The following KLHDC10 variants were observed in gnomAD, a reference collection of about 807,000 sequenced individuals.
KLHDC10 encodes the protein kelch domain containing 10.
KLHDC10 carries 24 observed loss-of-function variants against 56.1 expected under a neutral mutation model. The observed-to-expected ratio is 0.43, with a 90% CI of 0.31 to 0.60. The LOEUF is 0.60. Ranked by LOEUF, KLHDC10 falls within the 20% of genes least tolerant of loss-of-function variation. The probability of loss-of-function intolerance (pLI) is 0.11; values close to 1 mark genes in which losing one functional copy is unlikely to be tolerated. For synonymous variants in KLHDC10, 188 were observed against 207.1 expected (o/e 0.91, Z 0.79); for missense variants, 349 against 567.0 (o/e 0.62, Z 3.91).
At chr7:130,115,363 A>G (rs1260182309) in intron 2 of KLHDC10, among the ~76,000 whole-genome samples, 1 of 152,194 alleles carries the variant, frequency 6.6e-6, no homozygotes, top group South Asian at 2.1e-4. Context: ...AGAAACTACA[A>G]TAAAGTTTTT....
intron 2 of KLHDC10, among the ~76,000 whole-genome samples, chr7:130,109,208 G>T (rs1250574430): frequency 8.4e-6 from 1 of 118,876 alleles, no homozygotes; most frequent in Non-Finnish European, 1.8e-5. Flanking sequence ...AGCCCAGCAG[G>T]TCTCTTTTTT....
chr7:130,086,507 A>G (rs1795691992), intron 1 of KLHDC10, among the ~76,000 whole-genome samples: 1 of 152,172 alleles, frequency 6.6e-6, no homozygotes, highest in African/African-American at 2.4e-5. Context: ...ATCTCCCTAG[A>G]GTTTCTGGTC....
At chr7:130,112,211 A>C (rs1796110361) in intron 2 of KLHDC10, among the ~76,000 whole-genome samples, 1 of 152,214 alleles carries the variant, frequency 6.6e-6, no homozygotes, top group African/African-American at 2.4e-5. Flanking sequence ...CTTCTGTCAC[A>C]TTATCTCAGA....
chr7:130,118,324 C>T (rs1337510599), intron 3 of KLHDC10, among the ~76,000 whole-genome samples: 1 of 152,190 alleles, frequency 6.6e-6, no homozygotes, highest in Non-Finnish European at 1.5e-5. Context: ...TTTCCTGAAA[C>T]CTCTTGAACC....
rs1325957937 is a variant in KLHDC10 at position 130,116,318 on chromosome 7, TAAG to T, written c.254-123_254-121del. On this transcript the variant is annotated intron_variant, in intron 2 of 9. Coordinates refer to ENST00000335420, the MANE Select transcript of KLHDC10 (RefSeq NM_014997.4). The surrounding 1 kb of genome is among the most constrained non-coding windows in gnomAD (Gnocchi z 4.8). ...TATCCATGTTATAAATCTAAACAAA[TAAG>T]AAGTATATCCATGTTATAAATCCTT... The T allele has an allele frequency of 2.5e-5, 16 of 649,696 alleles. No individual in the cohort carries two copies. The highest frequency in any genetic ancestry group is 3.8e-5 in the Non-Finnish European group (14 of 368,498). 40.2% of individuals were successfully genotyped at this position (649,696 alleles called of 1,614,324 possible).
At chr7:130,070,900 G>C in intron 1 of KLHDC10, 91 bp downstream of exon 1, 1 of 978,408 alleles carries the variant, frequency 1.0e-6, no homozygotes, top group Non-Finnish European at 1.4e-6. Context: ...TCCTTGGGAG[G>C]AGGAAAGGCA....
At chr7:130,083,848 TC>T (rs1395277910) in intron 1 of KLHDC10, among the ~76,000 whole-genome samples, 1 of 152,198 alleles carries the variant, frequency 6.6e-6, no homozygotes, top group Non-Finnish European at 1.5e-5. Context: ...AACATCCTTT[TC>T]CCTTTTGGCT....
At chr7:130,113,271 A>G (rs1004573728) in intron 2 of KLHDC10, among the ~76,000 whole-genome samples, 6 of 151,822 alleles carry the variant, frequency 4.0e-5, no homozygotes, top group African/African-American at 1.5e-4. Flanking sequence ...TTGCCTTATC[A>G]CTGTATCCCC....
chr7:130,084,334 C>T (rs1795652156), intron 1 of KLHDC10, among the ~76,000 whole-genome samples: 1 of 152,140 alleles, frequency 6.6e-6, no homozygotes, highest in Non-Finnish European at 1.5e-5. Flanking sequence ...ATTTAGAAGA[C>T]TATAGAAGTA....
Position 130,130,001 on chromosome 7 carries a change from T to A in KLHDC10, c.1119+425T>A, listed in dbSNP as rs533033970. ...TAATGTTAGTTAATAGTGAAATTGT[T>A]TGTTGTTGAAGTAAAAAAAAATTCA... is the stretch of plus-strand genomic sequence containing the variant. On this transcript the variant is annotated intron_variant, in intron 9 of 9. Coordinates refer to ENST00000335420, the MANE Select transcript of KLHDC10 (RefSeq NM_014997.4). This position sits in a 1 kb window ranked among gnomAD's most constrained non-coding sequence, Gnocchi z 4.2. Among the ~76,000 whole-genome samples the A allele has an allele frequency of 6.6e-6, 1 of 152,200 alleles. No homozygotes were observed. Among genetic ancestry groups the A allele is most frequent in the African/African-American group, 2.4e-5 (1 of 41,540 alleles).
intron 3 of KLHDC10, among the ~76,000 whole-genome samples, chr7:130,117,100 T>G (rs946696552): frequency 6.6e-5 from 10 of 152,242 alleles, no homozygotes; most frequent in African/African-American, 2.2e-4. Context: ...AAGTTATGTT[T>G]ACGCTATGCA....
At chr7:130,092,930 A>G (rs1211353091) in intron 1 of KLHDC10, among the ~76,000 whole-genome samples, 2 of 150,468 alleles carry the variant, frequency 1.3e-5, no homozygotes, top group African/African-American at 4.9e-5. Context: ...GTCCGATTCT[A>G]TCTGCTTTTC....
At position 130,135,337 on chromosome 7, in the gene KLHDC10, A is replaced by C. The variant is rs1283723139; in HGVS notation, c.*4591A>C. ...GGAGAGCACAGGCATCTCCCTGGAAAAGCACCTGCCAATGACGAATTTCAT... is the reference window on the plus strand; with the variant it reads ...GGAGAGCACAGGCATCTCCCTGGAACAGCACCTGCCAATGACGAATTTCAT... On this transcript the variant is annotated 3_prime_UTR_variant, in exon 10 of 10. Transcript: ENST00000335420. 2 of 154,320 alleles carry C rather than the reference A, an allele frequency of 1.3e-5. No individual in the cohort carries two copies. Among genetic ancestry groups the C allele is most frequent in the East Asian group, 3.9e-4 (2 of 5,180 alleles). The allele number at this position is 154,320 out of a possible 1,614,324, so 9.6% of individuals were successfully genotyped here.
intron 1 of KLHDC10, among the ~76,000 whole-genome samples, chr7:130,089,817 A>G (rs548879265): frequency 8.2e-4 from 125 of 152,202 alleles, no homozygotes; most frequent in South Asian, 2.1e-3. Context: ...TAGGAGTAGG[A>G]CTGTACCACA....
rs563929939 is a variant in KLHDC10 at position 130,111,657 on chromosome 7, G to A, written c.254-4788G>A. On this transcript the variant is annotated intron_variant, in intron 2 of 9. Transcript: ENST00000335420. ...GGAAGAGAGGTTGAAGCTGCAGTGC[G>A]CTGTGATTATGCTACCACAGGTAGG... Among the ~76,000 whole-genome samples, 26 of 152,242 alleles carry A rather than the reference G, an allele frequency of 1.7e-4. 1 individual carries two copies. Among genetic ancestry groups the A allele is most frequent in the Middle Eastern group, 3.4e-3 (1 of 294 alleles).
At position 130,131,857 on chromosome 7, in the gene KLHDC10, A is replaced by T; in HGVS notation, c.*1111A>T. The stretch of plus-strand genomic sequence containing the variant: ...GCAGTTGGTCCTTGATTTTTCCCTT[A>T]GCTTGTTGCCTTCTTTTCCGTCTGC... On this transcript the variant is annotated 3_prime_UTR_variant, in exon 10 of 10. Transcript: ENST00000335420. 6.6e-6 allele frequency: 1 copy of T among 151,864 alleles called. No homozygotes were observed. 9.4% of individuals were successfully genotyped at this position (151,864 alleles called of 1,614,324 possible).
chr7:130,127,411 T>C lies in KLHDC10; in HGVS notation c.939T>C (p.Pro313=). Residue 313 remains proline, a synonymous_variant, in exon 8 of 10, where the codon CCT becomes CCC. Coordinates refer to ENST00000335420, the MANE Select transcript of KLHDC10 (RefSeq NM_014997.4). ...TGTTTGTGTGTTTGGCAGGCTTTCCTGCAGCCCGAAGGTGTCACAGTTGTG... is the reference window on the plus strand; with the variant it reads ...TGTTTGTGTGTTTGGCAGGCTTTCCCGCAGCCCGAAGGTGTCACAGTTGTG... ...ATKPHEKIGF[P]AARRCHSCVQ... The C allele has an allele frequency of 6.2e-7, 1 of 1,613,588 alleles. No homozygotes were observed. The highest frequency in any genetic ancestry group is 1.1e-5 in the South Asian group (1 of 91,038).
rs1554468214 is a variant in KLHDC10, at chr7:130,128,889, A to ATATATAT, written c.980-548_980-547insTATATAT. Among the ~76,000 whole-genome samples, 6 of 66,958 alleles carry ATATATAT rather than the reference A, an allele frequency of 9.0e-5. No individual in the cohort carries two copies. The East Asian group carries it at 1.2e-3, about 13-fold the overall frequency. 43.9% of individuals were successfully genotyped at this position (66,958 alleles called of 152,430 possible). A position where few individuals can be genotyped will look rare whatever the true frequency, so the allele number is the denominator to read the frequency against. ...ACCTTGTCTCTTAAAAAAAAAAAAA[A>ATATATAT]ATATATATATATATATATATATATA... On this transcript the variant is annotated intron_variant, in intron 8 of 9. Transcript: ENST00000335420.
intron 2 of KLHDC10, among the ~76,000 whole-genome samples, chr7:130,105,089 C>CTG (rs1251645515): frequency 6.6e-6 from 1 of 152,196 alleles, no homozygotes; most frequent in Non-Finnish European, 1.5e-5. Flanking sequence ...ATTAAAAAGA[C>CTG]TGACAGTGGC....
Sources: gnomAD v4.1 joint callset for allele counts (sites outside exome capture counted in the v4.1 genomes callset) on GRCh38, gnomAD v4.1.1 for gene constraint, Gnocchi (gnomAD v3.1) non-coding constraint, MANE v1.5 for transcripts, NCBI Gene and HGNC (gene_info 2026-07-23, HGNC 2026-07-21) for gene names.